The following SAMD3 variants were observed in gnomAD, a reference collection of about 807,000 sequenced individuals.
The protein encoded by SAMD3 is sterile alpha motif domain containing 3.
SAMD3 carries 63 observed loss-of-function variants against 58.5 expected under a neutral mutation model. The ratio of observed to expected loss-of-function variants is 1.08; its 90% CI spans 0.88 to 1.33. The LOEUF is 1.33. Ranked by LOEUF, SAMD3 falls within the 40% of genes most tolerant of loss-of-function variation. The pLI is 0.00. For synonymous variants in SAMD3, 220 were observed against 210.3 expected (o/e 1.05, Z -0.40); for missense variants, 604 against 608.4 (o/e 0.99, Z 0.08).
Position 130,237,376 on chromosome 6 carries a change from C to T in SAMD3, c.-187-14563G>A, listed in dbSNP as rs1350351148. Reference sequence around the variant, plus strand: ...ATATAATTCTTTCCTAGCTAGTTCTCATATCTCATCTTTTTGCAAAGAACT... The same window carrying T: ...ATATAATTCTTTCCTAGCTAGTTCTTATATCTCATCTTTTTGCAAAGAACT... On this transcript the variant is annotated intron_variant, in intron 2 of 13. Transcript: ENST00000368134. Among the ~76,000 whole-genome samples the T allele has an allele frequency of 2.6e-5, 4 of 152,148 alleles. No individual in the cohort carries two copies. The East Asian group carries it at 7.7e-4, about 29-fold the overall frequency.
chr6:130,351,767 T>C (rs935031129), intron 1 of SAMD3, among the ~76,000 whole-genome samples: 2 of 152,142 alleles, frequency 1.3e-5, no homozygotes, highest in African/African-American at 2.4e-5. Context: ...TGCACACATA[T>C]GTTTATTGCG....
intron 2 of SAMD3, among the ~76,000 whole-genome samples, chr6:130,234,547 C>A (rs1175424336): frequency 6.6e-6 from 1 of 151,986 alleles, no homozygotes; most frequent in Non-Finnish European, 1.5e-5. Flanking sequence ...TTATCATAAT[C>A]AATATAATGG....
intron 2 of SAMD3, among the ~76,000 whole-genome samples, chr6:130,247,047 G>A (rs557081988): frequency 2.6e-5 from 4 of 152,250 alleles, no homozygotes; most frequent in African/African-American, 9.6e-5. Context: ...AACTCTCCTT[G>A]GAGAAATGAC....
intron 5 of SAMD3, among the ~76,000 whole-genome samples, chr6:130,206,065 T>C (rs1289885649): frequency 6.6e-6 from 1 of 152,160 alleles, no homozygotes; most frequent in African/African-American, 2.4e-5. Flanking sequence ...TTCTGCCCCA[T>C]CTCAGCCCAC....
upstream of SAMD3, among the ~76,000 whole-genome samples, chr6:130,224,497 T>A (rs1249773519): frequency 6.6e-6 from 1 of 152,066 alleles, no homozygotes; most frequent in Non-Finnish European, 1.5e-5. Flanking sequence ...GTGTTTCTCA[T>A]GAGTGACAAA....
chr6:130,214,297 C>A, intron 4 of SAMD3, 40 bp downstream of exon 4: 3 of 1,478,364 alleles, frequency 2.0e-6, no homozygotes, highest in Non-Finnish European at 2.7e-6. Flanking sequence ...ATTGGGAAAG[C>A]TTGGGAAAAA....
At chr6:130,323,594 G>A (rs2115003691) in intron 1 of SAMD3, among the ~76,000 whole-genome samples, 1 of 152,048 alleles carries the variant, frequency 6.6e-6, no homozygotes, top group South Asian at 2.1e-4. Flanking sequence ...CTTGAGGCCA[G>A]GAGTTCAAGA....
intron 5 of SAMD3, among the ~76,000 whole-genome samples, chr6:130,189,279 A>T (rs375569667): frequency 9.2e-5 from 14 of 152,248 alleles, no homozygotes; most frequent in Admixed American, 1.3e-4. Context: ...CCCTGAGATG[A>T]CGGGATTGGT....
intron 2 of SAMD3, among the ~76,000 whole-genome samples, chr6:130,263,958 C>T (rs1774238146): frequency 6.6e-6 from 1 of 152,190 alleles, no homozygotes; most frequent in Non-Finnish European, 1.5e-5. Flanking sequence ...TTCCTAAAAT[C>T]ATACATTCAT....
intron 2 of SAMD3, among the ~76,000 whole-genome samples, chr6:130,256,440 T>C (rs1410020649): frequency 6.6e-6 from 1 of 152,214 alleles, no homozygotes; most frequent in Non-Finnish European, 1.5e-5. Flanking sequence ...TTTTCTGCCA[T>C]GTAAAAATAA....
At chr6:130,343,272 G>C (rs749579840) in intron 1 of SAMD3, among the ~76,000 whole-genome samples, 1 of 151,858 alleles carries the variant, frequency 6.6e-6, no homozygotes, top group Non-Finnish European at 1.5e-5. Flanking sequence ...GATCATAAGT[G>C]AGCTACCTAT....
At position 130,209,590 on chromosome 6, in the gene SAMD3, G is replaced by A; in HGVS notation, c.288C>T (p.Ser96=). 1 of 1,612,466 alleles carries A rather than the reference G, an allele frequency of 6.2e-7. No individual in the cohort carries two copies. The highest frequency in any genetic ancestry group is 1.1e-5 in the South Asian group (1 of 91,032). Residue 96 remains serine, a synonymous_variant, in exon 5 of 12, where the codon TCC becomes TCT. Transcript: ENST00000439090. ...EAARDYRDEE[S]SSPARHGEQM... The stretch of plus-strand genomic sequence containing the variant: ...GCTCCCCATGCCTGGCTGGACTGGA[G>A]GACTCTTCATCCCTGTAACTAAGAA...
Position 130,209,576 on chromosome 6 carries a change from C to G in SAMD3, c.302G>C (p.Arg101Thr), listed in dbSNP as rs545913309. 1.9e-6 allele frequency: 3 copies of G among 1,613,766 alleles called. No homozygotes were observed. The East Asian group carries it at 6.7e-5, about 36-fold the overall frequency. ...YRDEESSSPARHGEQMPSFYP... is the reference protein window; with the variant it reads ...YRDEESSSPATHGEQMPSFYP... ...GAAAGATGGCATCTGCTCCCCATGCCTGGCTGGACTGGAGGACTCTTCATC... is the reference window on the plus strand; with the variant it reads ...GAAAGATGGCATCTGCTCCCCATGCGTGGCTGGACTGGAGGACTCTTCATC... Residue 101 changes from arginine to threonine, a missense_variant, in exon 5 of 12, where the codon AGG (arginine) becomes ACG (threonine). Coordinates refer to ENST00000439090, the MANE Select transcript of SAMD3 (RefSeq NM_001017373.4).
At chr6:130,171,503 T>C (rs547409759) in intron 8 of SAMD3, among the ~76,000 whole-genome samples, 1 of 152,338 alleles carries the variant, frequency 6.6e-6, no homozygotes, top group South Asian at 2.1e-4. Flanking sequence ...CTGTTCAATT[T>C]CCATGTAGTT....
At chr6:130,286,902 G>A (rs1278581940) in intron 2 of SAMD3, among the ~76,000 whole-genome samples, 1 of 152,110 alleles carries the variant, frequency 6.6e-6, no homozygotes, top group East Asian at 1.9e-4. Context: ...TACAGACGGG[G>A]TTTCACCATG....
intron 8 of SAMD3, chr6:130,159,905 A>C (rs1790137500): frequency 1.3e-5 from 2 of 152,228 alleles, no homozygotes; most frequent in Non-Finnish European, 2.9e-5. Flanking sequence ...GATCACCCTC[A>C]TACATAACTA....
intron 8 of SAMD3, among the ~76,000 whole-genome samples, chr6:130,174,942 T>A (rs3926322): frequency 0.095 from 14,453 of 152,316 alleles, 1,099 homozygotes; most frequent in African/African-American, 0.21. Context: ...ATGGATCTTA[T>A]AACTAGCACT....
At chr6:130,189,120 C>G (rs4897373) in intron 5 of SAMD3, among the ~76,000 whole-genome samples, 38,538 of 144,318 alleles carry the variant, frequency 0.27, 5,619 homozygotes, top group East Asian at 0.46. Context: ...AAAAAAAAAC[C>G]AAAAAACAAA....
At chr6:130,237,117 GA>G (rs1270678101) in intron 2 of SAMD3, among the ~76,000 whole-genome samples, 10 of 152,132 alleles carry the variant, frequency 6.6e-5, no homozygotes, top group African/African-American at 2.4e-4. Flanking sequence ...AAGCTGTGCT[GA>G]TTTTTTTTAA....
Sources: allele counts gnomAD v4.1 joint callset (sites outside exome capture counted in the v4.1 genomes callset), GRCh38; gene constraint gnomAD v4.1.1; transcripts MANE v1.5; gene names NCBI Gene and HGNC (gene_info 2026-07-23, HGNC 2026-07-21).